The following EYA2 variants were observed in gnomAD, a reference collection of about 807,000 sequenced individuals.
The protein encoded by EYA2 is EYA transcriptional coactivator and phosphatase 2.
EYA2 carries 31 observed loss-of-function variants against 69.2 expected under a neutral mutation model. The observed-to-expected ratio is 0.45, with a 90% CI of 0.34 to 0.60. EYA2 has a LOEUF of 0.60. EYA2 is among the 20% of genes least tolerant of loss of function. The probability of loss-of-function intolerance (pLI) is 0.02; values close to 1 mark genes in which losing one functional copy is unlikely to be tolerated. For missense variants in EYA2, 622 were observed against 701.2 expected, an observed-to-expected ratio of 0.89 and a Z score of 1.28; for synonymous variants, 257 against 279.4, an observed-to-expected ratio of 0.92 and a Z score of 0.80.
At chr20:46,994,732 C>G (rs185195394) in intron 2 of EYA2, among the ~76,000 whole-genome samples, 3 of 151,982 alleles carry the variant, frequency 2.0e-5, no homozygotes, top group African/African-American at 7.3e-5. Context: ...CAACCTCTAC[C>G]TGTGCAGAAC....
At chr20:47,111,123 T>A (rs1180174966) in intron 9 of EYA2, among the ~76,000 whole-genome samples, 1 of 152,228 alleles carries the variant, frequency 6.6e-6, no homozygotes, top group African/African-American at 2.4e-5. Context: ...ACAGGTGCAG[T>A]TGGTCCTAAT....
intron 4 of EYA2, among the ~76,000 whole-genome samples, chr20:47,015,643 T>A (rs1983362443): frequency 6.6e-6 from 1 of 152,138 alleles, no homozygotes; most frequent in Non-Finnish European, 1.5e-5. Context: ...CCTTCATACC[T>A]ACCAAGCTGG....
At chr20:46,983,117 C>T (rs1333089634) in intron 1 of EYA2, among the ~76,000 whole-genome samples, 1 of 152,104 alleles carries the variant, frequency 6.6e-6, no homozygotes, top group Non-Finnish European at 1.5e-5. Flanking sequence ...TAGCAGCATT[C>T]TCATCTTAAA....
At chr20:46,954,970 G>A (rs1311496346) in intron 1 of EYA2, among the ~76,000 whole-genome samples, 1 of 152,158 alleles carries the variant, frequency 6.6e-6, no homozygotes, top group Non-Finnish European at 1.5e-5. Flanking sequence ...TTGGCCATTC[G>A]TAAGGTCAAA....
At chr20:47,098,890 C>G (rs1203337889) in intron 9 of EYA2, among the ~76,000 whole-genome samples, 2 of 152,250 alleles carry the variant, frequency 1.3e-5, no homozygotes, top group Non-Finnish European at 2.9e-5. Context: ...GCCCCATTCT[C>G]CAGCCTCCTT....
chr20:46,901,406 A>G (rs1984099114), intron 1 of EYA2: 2 of 152,140 alleles, frequency 1.3e-5, no homozygotes, highest in Admixed American at 1.3e-4. Flanking sequence ...AGCATTTAAG[A>G]TGCAAGGTAT....
chr20:47,177,819 C>T lies in EYA2; in HGVS notation c.1199-1979C>T, dbSNP rs528987995. Among the ~76,000 whole-genome samples the T allele has an allele frequency of 1.5e-4, 23 of 152,332 alleles. No individual in the cohort carries two copies. In the South Asian group the frequency reaches 3.9e-3, roughly 26 times the overall value. On this transcript the variant is annotated intron_variant, in intron 12 of 15. Transcript: ENST00000327619. ...GCTACAGAAACTGCTGCTATGATGG[C>T]GAACAAGACTGACTTGGTCCCTGCC...
chr20:47,011,672 T>C (rs934987790), intron 4 of EYA2, among the ~76,000 whole-genome samples: 1 of 152,130 alleles, frequency 6.6e-6, no homozygotes, highest in East Asian at 1.9e-4. Context: ...TTCCTTCAGG[T>C]CTTTGTTCAA....
intron 11 of EYA2, among the ~76,000 whole-genome samples, chr20:47,170,454 C>T (rs1419365963): frequency 6.6e-6 from 1 of 151,744 alleles, no homozygotes; most frequent in Non-Finnish European, 1.5e-5. Flanking sequence ...CGAGACCAGC[C>T]TGGCCAACAC....
intron 5 of EYA2, among the ~76,000 whole-genome samples, chr20:47,056,956 G>T (rs914111461): frequency 2.0e-5 from 3 of 151,706 alleles, no homozygotes; most frequent in Admixed American, 6.6e-5. Context: ...GAGGTGGGAG[G>T]ATCGCCTGAG....
intron 5 of EYA2, among the ~76,000 whole-genome samples, chr20:47,039,111 T>TCACA (rs11467574): frequency 0.022 from 3,299 of 149,940 alleles, 75 homozygotes; most frequent in African/African-American, 0.045. Flanking sequence ...GATGTCGAAA[T>TCACA]CACACACACA....
chr20:47,129,087 G>T (rs1369445529), intron 9 of EYA2, among the ~76,000 whole-genome samples: 1 of 152,154 alleles, frequency 6.6e-6, no homozygotes, highest in Non-Finnish European at 1.5e-5. Context: ...TCATGCCACT[G>T]CACTCCAGCC....
chr20:47,156,507 C>T (rs1451451623), intron 10 of EYA2, among the ~76,000 whole-genome samples: 1 of 151,720 alleles, frequency 6.6e-6, no homozygotes, highest in Non-Finnish European at 1.5e-5. Context: ...CGGAGAGACT[C>T]AGAAGTTGCT....
At chr20:47,186,656 G>C (rs867102126) in intron 15 of EYA2, among the ~76,000 whole-genome samples, 1 of 152,020 alleles carries the variant, frequency 6.6e-6, no homozygotes, top group Non-Finnish European at 1.5e-5. Flanking sequence ...ACCACGCCCG[G>C]CCTCCTCATT....
chr20:46,927,406 G>C (rs62201225), intron 1 of EYA2, among the ~76,000 whole-genome samples: 18,156 of 152,260 alleles, frequency 0.12, 1,299 homozygotes, highest in Non-Finnish European at 0.16. Flanking sequence ...CAGCATGGCT[G>C]TATTAATCTG....
At chr20:46,895,502 C>A (rs1002959373) in intron 1 of EYA2, among the ~76,000 whole-genome samples, 6 of 152,184 alleles carry the variant, frequency 3.9e-5, no homozygotes, top group Non-Finnish European at 7.3e-5. Context: ...TGATATATTT[C>A]TTTTCAAAAG....
At chr20:47,052,948 C>A (rs2030417119) in intron 5 of EYA2, among the ~76,000 whole-genome samples, 1 of 152,142 alleles carries the variant, frequency 6.6e-6, no homozygotes, top group African/African-American at 2.4e-5. Context: ...ATATTTCCAG[C>A]CACCATCTGG....
At chr20:47,155,975 A>G (rs185146556) in intron 10 of EYA2, among the ~76,000 whole-genome samples, 1,901 of 148,678 alleles carry the variant, frequency 0.013, 38 homozygotes, top group African/African-American at 0.045. Context: ...TCAGGAGTTC[A>G]AGACCAGCCC....
rs578216461 is a variant in EYA2 at position 47,110,831 on chromosome 20, G to A, written c.888+13663G>A. ...CACCCACAAGGGAGCAGACAGCCACGTGTGTGACAAGCAGGGGCCTGGCAG... is the reference window on the plus strand; with the variant it reads ...CACCCACAAGGGAGCAGACAGCCACATGTGTGACAAGCAGGGGCCTGGCAG... On this transcript the variant is annotated intron_variant, in intron 9 of 15. Coordinates refer to ENST00000327619, the MANE Select transcript of EYA2 (RefSeq NM_005244.5). Among the ~76,000 whole-genome samples, 27 of 152,336 alleles carry A rather than the reference G, an allele frequency of 1.8e-4. No homozygotes were observed. The East Asian group carries it at 2.1e-3, about 12-fold the overall frequency.
Sources: allele counts gnomAD v4.1 joint callset (sites outside exome capture counted in the v4.1 genomes callset), GRCh38; gene constraint gnomAD v4.1.1; transcripts MANE v1.5; gene names NCBI Gene and HGNC (gene_info 2026-07-23, HGNC 2026-07-21).